The following UGGT2 variants were observed in gnomAD, a reference collection of about 807,000 sequenced individuals.
The protein encoded by UGGT2 is UDP-glucose:glycoprotein glucosyltransferase 2.
In UGGT2, 180 loss-of-function variants were observed where a neutral mutation model predicts 192.1. The ratio of observed to expected loss-of-function variants is 0.94; its 90% CI spans 0.83 to 1.06. The LOEUF (loss-of-function observed/expected upper bound fraction) is 1.06, where lower values mean the gene tolerates loss of function less well. Ranked by LOEUF, UGGT2 falls within the 50% of genes least tolerant of loss-of-function variation. The probability of loss-of-function intolerance (pLI) is 0.00; values close to 1 mark genes in which losing one functional copy is unlikely to be tolerated. For missense variants in UGGT2, 1,849 were observed against 1,795.7 expected, an observed-to-expected ratio of 1.03 and a Z score of -0.54; for synonymous variants, 580 against 591.0, an observed-to-expected ratio of 0.98 and a Z score of 0.27.
At chr13:95,849,214 A>G (rs1461317597) in intron 36 of UGGT2, among the ~76,000 whole-genome samples, 1 of 152,172 alleles carries the variant, frequency 6.6e-6, no homozygotes, top group Admixed American at 6.5e-5. Context: ...TTATAAACAT[A>G]AGGGAATAAT....
intron 21 of UGGT2, among the ~76,000 whole-genome samples, chr13:95,901,776 T>C (rs960364668): frequency 6.6e-6 from 1 of 152,136 alleles, no homozygotes; most frequent in South Asian, 2.1e-4. Context: ...GGCTGTGGTG[T>C]TGGACCATGT....
intron 38 of UGGT2, among the ~76,000 whole-genome samples, chr13:95,803,832 A>G (rs1037300203): frequency 1.3e-5 from 2 of 152,190 alleles, no homozygotes; most frequent in Admixed American, 6.5e-5. Context: ...ACAAACAGCC[A>G]AAGATCTCCA....
At chr13:95,987,065 CAGTG>C (rs1324365597) in intron 8 of UGGT2, among the ~76,000 whole-genome samples, 2 of 152,080 alleles carry the variant, frequency 1.3e-5, no homozygotes, top group Non-Finnish European at 2.9e-5. Flanking sequence ...CCTACCTCAA[CAGTG>C]AGGCAGATTG....
chr13:95,818,055 CCAA>C, intron 38 of UGGT2, among the ~76,000 whole-genome samples: 1 of 152,302 alleles, frequency 6.6e-6, no homozygotes, highest in South Asian at 2.1e-4. Context: ...GCCTATTATC[CCAA>C]CGTTTTGGGA....
chr13:95,871,971 C>CCA (rs1891261283), intron 29 of UGGT2, among the ~76,000 whole-genome samples: 3 of 40,776 alleles, frequency 7.4e-5, no homozygotes, highest in African/African-American at 2.1e-4. Flanking sequence ...GTCCTTCCTC[C>CCA]TACAAAAACA....
intron 37 of UGGT2, 109 bp downstream of exon 37, chr13:95,836,974 CAGA>C: frequency 1.1e-6 from 1 of 883,646 alleles, no homozygotes; most frequent in Non-Finnish European, 1.8e-6. Flanking sequence ...GACTGAACAG[CAGA>C]AGAAGCGAAG....
chr13:95,930,996 A>G (rs2049240117), intron 17 of UGGT2, among the ~76,000 whole-genome samples: 1 of 152,130 alleles, frequency 6.6e-6, no homozygotes, highest in South Asian at 2.1e-4. Flanking sequence ...AAGGGACCCA[A>G]GCGGGTTGCC....
At chr13:96,042,788 A>T (rs968905055) in intron 1 of UGGT2, among the ~76,000 whole-genome samples, 5 of 152,092 alleles carry the variant, frequency 3.3e-5, no homozygotes, top group Non-Finnish European at 4.4e-5. Flanking sequence ...CACGGTTTTA[A>T]AATTAACCCA....
chr13:95,877,547 C>T, intron 28 of UGGT2, 151 bp downstream of exon 28: 3 of 1,052,404 alleles, frequency 2.9e-6, no homozygotes, highest in Non-Finnish European at 3.9e-6. Context: ...ATGATTTTCC[C>T]CATTTTTTAT....
chr13:96,002,499 C>G (rs1485871774), intron 5 of UGGT2, among the ~76,000 whole-genome samples: 2 of 152,142 alleles, frequency 1.3e-5, no homozygotes, highest in African/African-American at 4.8e-5. Context: ...TGAACCAATG[C>G]CTGGCACAGA....
intron 7 of UGGT2, chr13:95,995,237 A>G (rs2051581086): frequency 6.6e-6 from 1 of 152,110 alleles, no homozygotes; most frequent in South Asian, 2.1e-4. Context: ...AATTTACTCA[A>G]GAAGAAATTC....
intron 7 of UGGT2, among the ~76,000 whole-genome samples, chr13:95,993,321 C>T (rs2051513991): frequency 1.3e-5 from 2 of 152,026 alleles, no homozygotes; most frequent in Admixed American, 1.3e-4. Flanking sequence ...TCATTCATAC[C>T]CCTAACCTCA....
rs372051642 is a variant in UGGT2, at chr13:95,988,331, C to T, written c.931+1642G>A. Among the ~76,000 whole-genome samples, 10 of 152,220 alleles carry T rather than the reference C, an allele frequency of 6.6e-5. No homozygotes were observed. In the South Asian group the frequency reaches 1.9e-3, roughly 28 times the overall value. On this transcript the variant is annotated intron_variant, in intron 8 of 38. Transcript: ENST00000376747. ...GTGATAAAGCCTGGCTGATTTGACA[C>T]AAGGCCAAAATCAGATTTTCATTTT...
intron 36 of UGGT2, among the ~76,000 whole-genome samples, chr13:95,838,888 C>G (rs898462885): frequency 5.9e-5 from 9 of 152,074 alleles, no homozygotes; most frequent in Non-Finnish European, 8.8e-5. Context: ...ATTTTTGGCT[C>G]ACTCCACTGA....
At chr13:95,915,452 T>C (rs1481728445) in intron 20 of UGGT2, among the ~76,000 whole-genome samples, 1 of 152,244 alleles carries the variant, frequency 6.6e-6, no homozygotes, top group African/African-American at 2.4e-5. Flanking sequence ...GAAAAGATCT[T>C]AATATTGTAA....
At chr13:96,046,100 A>C (rs1053998866) in intron 1 of UGGT2, among the ~76,000 whole-genome samples, 2 of 152,232 alleles carry the variant, frequency 1.3e-5, no homozygotes, top group Non-Finnish European at 2.9e-5. Flanking sequence ...ATAAAACCAT[A>C]GTCTCCAAAA....
At chr13:95,940,977 A>C (rs1280710548) in intron 15 of UGGT2, among the ~76,000 whole-genome samples, 1 of 152,180 alleles carries the variant, frequency 6.6e-6, no homozygotes, top group Non-Finnish European at 1.5e-5. Context: ...TGTAGAATGT[A>C]AGCTGTTATT....
chr13:96,046,543 G>C (rs550143652), intron 1 of UGGT2, among the ~76,000 whole-genome samples: 190 of 152,316 alleles, frequency 1.2e-3, no homozygotes, highest in Non-Finnish European at 2.4e-3. Context: ...TAGCATGAGC[G>C]ATGCAGAAGA....
intron 4 of UGGT2, among the ~76,000 whole-genome samples, chr13:96,020,561 C>T (rs1470613411): frequency 6.6e-6 from 1 of 152,044 alleles, no homozygotes; most frequent in Non-Finnish European, 1.5e-5. Flanking sequence ...AACAATAAAC[C>T]ATTAAATCAG....
Sources: allele counts gnomAD v4.1 joint callset (sites outside exome capture counted in the v4.1 genomes callset), GRCh38; gene constraint gnomAD v4.1.1; transcripts MANE v1.5; gene names NCBI Gene and HGNC (gene_info 2026-07-23, HGNC 2026-07-21).